Variants in PAPPA observed in about 807,000 individuals in gnomAD.
PAPPA encodes the protein pappalysin 1.
Under a neutral mutation model 164.0 loss-of-function variants are expected in PAPPA, and 60 were observed. That is an observed-to-expected ratio of 0.37 (90% CI 0.30 to 0.45). The LOEUF (loss-of-function observed/expected upper bound fraction) is 0.45. Among genes scored for constraint, PAPPA ranks in the 20% least tolerant of loss-of-function variants. The pLI is 1.00. For synonymous variants in PAPPA, 875 were observed against 814.1 expected, an observed-to-expected ratio of 1.07 and a Z score of -1.27; for missense variants, 1,782 against 2,087.3, an observed-to-expected ratio of 0.85 and a Z score of 2.85.
intron 7 of PAPPA, among the ~76,000 whole-genome samples, chr9:116,247,126 G>T (rs1318457116): frequency 6.6e-6 from 1 of 152,146 alleles, no homozygotes; most frequent in African/African-American, 2.4e-5. Context: ...GAGGAAATGT[G>T]TCTATATCTC....
intron 2 of PAPPA, among the ~76,000 whole-genome samples, chr9:116,207,153 A>G (rs1439571734): frequency 6.6e-6 from 1 of 152,180 alleles, no homozygotes; most frequent in Non-Finnish European, 1.5e-5. Context: ...CTAAGTAGCA[A>G]CTTGAACTTA....
At chr9:116,192,812 A>G (rs779931318) in intron 2 of PAPPA, among the ~76,000 whole-genome samples, 1 of 152,232 alleles carries the variant, frequency 6.6e-6, no homozygotes, top group African/African-American at 2.4e-5. Flanking sequence ...CACTTCACAC[A>G]CCCTTTTATA....
In PAPPA at chr9:116,184,468, C is replaced by T. The variant is rs981676161; in HGVS notation, c.416-2686C>T. On this transcript the variant is annotated intron_variant, in intron 1 of 21. Transcript: ENST00000328252. ...TTTCTGGCCTTTCTATTTTGTTTCC[C>T]GTCATTTCCTCCCTCCTTTTCATCC... Among the ~76,000 whole-genome samples, 13 of 152,172 alleles carry T rather than the reference C, an allele frequency of 8.5e-5. No individual in the cohort carries two copies. The East Asian group carries it at 1.4e-3, about 16-fold the overall frequency.
At chr9:116,269,234 C>T (rs1213953015) in intron 8 of PAPPA, among the ~76,000 whole-genome samples, 1 of 152,130 alleles carries the variant, frequency 6.6e-6, no homozygotes, top group Non-Finnish European at 1.5e-5. Flanking sequence ...ACAATGAATA[C>T]ACAAAGAGAT....
At chr9:116,296,268 C>G (rs1158767579) in intron 9 of PAPPA, among the ~76,000 whole-genome samples, 2 of 152,212 alleles carry the variant, frequency 1.3e-5, no homozygotes, top group Non-Finnish European at 2.9e-5. Context: ...GTAGTACTAT[C>G]ATGGTATGGT....
At chr9:116,288,092 C>T (rs1468393990) in intron 9 of PAPPA, among the ~76,000 whole-genome samples, 1 of 152,132 alleles carries the variant, frequency 6.6e-6, no homozygotes, top group Non-Finnish European at 1.5e-5. Flanking sequence ...AGGACCAGGC[C>T]AGGCGCGATG....
chr9:116,161,609 T>C (rs1843665592), intron 1 of PAPPA, among the ~76,000 whole-genome samples: 1 of 152,152 alleles, frequency 6.6e-6, no homozygotes, highest in Non-Finnish European at 1.5e-5. Flanking sequence ...GTTGTTATGT[T>C]TTTTTAAAGA....
Position 116,230,254 on chromosome 9 carries a change from A to G in PAPPA, c.2233+2702A>G, listed in dbSNP as rs62574203. On this transcript the variant is annotated intron_variant, in intron 6 of 21. Transcript: ENST00000328252. ...AGACCCTTTTAATATCCTTGAAGAA[A>G]TAAACTTTTCCATGAGCCAAACTCT... 9.1e-3 allele frequency among the ~76,000 whole-genome samples: 1,390 copies of G among 152,356 alleles called. 10 individuals carry two copies. The highest frequency in any genetic ancestry group is 0.015 in the Non-Finnish European group (1,030 of 68,030).
intron 13 of PAPPA, among the ~76,000 whole-genome samples, chr9:116,337,449 T>C (rs1423173097): frequency 6.6e-6 from 1 of 152,150 alleles, no homozygotes; most frequent in Non-Finnish European, 1.5e-5. Context: ...AAGCAACAAC[T>C]GTAAAGAACC....
At position 116,366,083 on chromosome 9, in the gene PAPPA, A is replaced by G. The variant is rs137936964; in HGVS notation, c.4496-1562A>G. On this transcript the variant is annotated intron_variant, in intron 18 of 21. Coordinates refer to ENST00000328252, the MANE Select transcript of PAPPA (RefSeq NM_002581.5). ...CTAATAGAATAGGATATTTAAAGAA[A>G]AGAGTTGACTTGCTCCTAGTGTTTG... is the stretch of plus-strand genomic sequence containing the variant. Among the ~76,000 whole-genome samples, 69 of 152,328 alleles carry G rather than the reference A, an allele frequency of 4.5e-4. No homozygotes were observed. In the East Asian group the frequency reaches 9.5e-3, roughly 21 times the overall value.
chr9:116,219,651 T>C (rs773639182), intron 4 of PAPPA, among the ~76,000 whole-genome samples: 4 of 152,178 alleles, frequency 2.6e-5, no homozygotes, highest in Non-Finnish European at 4.4e-5. Context: ...CTTGCCTGTG[T>C]CCTTTGCCGT....
chr9:116,227,411 C>A lies in PAPPA; in HGVS notation c.2112-20C>A. 6.2e-7 allele frequency: 1 copy of A among 1,613,688 alleles called. No homozygotes were observed. Among genetic ancestry groups the A allele is most frequent in the South Asian group, 1.1e-5 (1 of 91,032 alleles). ...CTGTTCCTAAGTCGGTGCATTTTCC[C>A]TCTTTCCTTGGCCTCCTAGAGAATT... is the stretch of plus-strand genomic sequence containing the variant. On this transcript the variant is annotated intron_variant, in intron 5 of 21. Coordinates refer to ENST00000328252, the MANE Select transcript of PAPPA (RefSeq NM_002581.5).
intron 6 of PAPPA, among the ~76,000 whole-genome samples, chr9:116,234,302 C>G (rs1474956451): frequency 6.6e-6 from 1 of 152,012 alleles, no homozygotes. Context: ...ACCCTCCTTC[C>G]TTCTCCCCGC....
At chr9:116,181,303 C>T (rs1843901898) in intron 1 of PAPPA, among the ~76,000 whole-genome samples, 1 of 152,092 alleles carries the variant, frequency 6.6e-6, no homozygotes, top group Non-Finnish European at 1.5e-5. Flanking sequence ...AGGTGTCAGC[C>T]AGGTTTGTTT....
chr9:116,182,222 G>A (rs928184923), intron 1 of PAPPA, among the ~76,000 whole-genome samples: 2 of 152,206 alleles, frequency 1.3e-5, no homozygotes, highest in African/African-American at 4.8e-5. Context: ...ATGATAGTAT[G>A]TTCTCAATAA....
chr9:116,370,578 C>T (rs889385488), intron 19 of PAPPA, among the ~76,000 whole-genome samples: 8 of 152,178 alleles, frequency 5.3e-5, no homozygotes, highest in Admixed American at 2.6e-4. Flanking sequence ...ATATTCCTAC[C>T]GTGGCAGATT....
chr9:116,364,503 C>T (rs1434049391), intron 18 of PAPPA, among the ~76,000 whole-genome samples: 2 of 152,132 alleles, frequency 1.3e-5, no homozygotes, highest in East Asian at 3.9e-4. Context: ...CACACAAATG[C>T]ATCACTCTCA....
chr9:116,255,587 T>A (rs189420110), intron 7 of PAPPA, among the ~76,000 whole-genome samples: 21 of 152,112 alleles, frequency 1.4e-4, no homozygotes, highest in Admixed American at 1.4e-3. Flanking sequence ...ACCCTGGATC[T>A]AAATTTGTGG....
In PAPPA at chr9:116,211,943, A is replaced by G; in HGVS notation, c.1918+11A>G. The G allele has an allele frequency of 6.2e-7, 1 of 1,612,184 alleles. No homozygotes were observed. Among genetic ancestry groups the G allele is most frequent in the African/African-American group, 1.3e-5 (1 of 74,976 alleles). ...TCATGAGCTATGCAGGTAGGGCCCT[A>G]CACTCTGTAGGGTGAACAGGTCTGG... is the stretch of plus-strand genomic sequence containing the variant. On this transcript the variant is annotated intron_variant, in intron 4 of 21. Coordinates refer to ENST00000328252, the MANE Select transcript of PAPPA (RefSeq NM_002581.5).
Sources: allele counts gnomAD v4.1 joint callset (sites outside exome capture counted in the v4.1 genomes callset), GRCh38; gene constraint gnomAD v4.1.1; transcripts MANE v1.5; gene names NCBI Gene and HGNC (gene_info 2026-07-23, HGNC 2026-07-21).